The following PDE4D variants were observed in gnomAD, a reference collection of about 807,000 sequenced individuals.
PDE4D encodes 3',5'-cyclic-AMP phosphodiesterase 4D.
PDE4D carries 24 observed loss-of-function variants against 87.4 expected under a neutral mutation model. The ratio of observed to expected loss-of-function variants is 0.27; its 90% CI spans 0.20 to 0.39. PDE4D has a LOEUF of 0.39. Ranked by LOEUF, PDE4D falls within the 10% of genes least tolerant of loss-of-function variation. PDE4D has a pLI of 1.00. For missense variants in PDE4D, 714 were observed against 1,041.0 expected, an observed-to-expected ratio of 0.69 and a Z score of 4.32; for synonymous variants, 384 against 383.2, an observed-to-expected ratio of 1.00 and a Z score of -0.02.
At chr5:60,233,727 CT>C (rs1252005977) in intron 1 of PDE4D, among the ~76,000 whole-genome samples, 1 of 151,682 alleles carries the variant, frequency 6.6e-6, no homozygotes, top group African/African-American at 2.4e-5. Context: ...GTTTTAAATG[CT>C]TTTCAAATAT....
intron 1 of PDE4D, among the ~76,000 whole-genome samples, chr5:59,506,970 G>A (rs1189665802): frequency 6.6e-6 from 1 of 152,056 alleles, no homozygotes; most frequent in African/African-American, 2.4e-5. Flanking sequence ...ACAAAAAGAT[G>A]TATACAGTAA....
At chr5:59,792,659 A>G (rs1016896147) in intron 1 of PDE4D, among the ~76,000 whole-genome samples, 1 of 152,224 alleles carries the variant, frequency 6.6e-6, no homozygotes, top group African/African-American at 2.4e-5. Context: ...GACATTTTCC[A>G]CTACAAAATA....
chr5:59,256,519 C>T (rs778324116), intron 1 of PDE4D, among the ~76,000 whole-genome samples: 4 of 152,018 alleles, frequency 2.6e-5, no homozygotes, highest in Non-Finnish European at 5.9e-5. Context: ...CCCAATTATA[C>T]CATTTGAATT....
intron 1 of PDE4D, among the ~76,000 whole-genome samples, chr5:59,285,584 A>T (rs1248270008): frequency 6.6e-6 from 1 of 152,190 alleles, no homozygotes; most frequent in Non-Finnish European, 1.5e-5. Context: ...AAGAAGTCTT[A>T]TGCAGGCACT....
intron 2 of PDE4D, among the ~76,000 whole-genome samples, chr5:60,175,175 G>C (rs1011678836): frequency 2.6e-5 from 4 of 151,824 alleles, no homozygotes; most frequent in Non-Finnish European, 5.9e-5. Flanking sequence ...TTATTTTCAA[G>C]TCCAGTGATT....
rs761353494 is a variant in PDE4D, at chr5:59,084,549, C to A, written c.809-45578G>T. Among the ~76,000 whole-genome samples, 7 of 151,548 alleles carry A rather than the reference C, an allele frequency of 4.6e-5. No homozygotes were observed. The South Asian group carries it at 6.3e-4, about 14-fold the overall frequency. On this transcript the variant is annotated intron_variant, in intron 5 of 14. Transcript: ENST00000340635. ...ATGGCAAAAAAGTGTAAAAAACAAA[C>A]ATAAATGAAAAGTTAATATTCTTAA...
At position 59,990,020 on chromosome 5, in the gene PDE4D, A is replaced by G. The variant is rs192522383; in HGVS notation, c.43-1303T>C. 1.2e-3 allele frequency among the ~76,000 whole-genome samples: 179 copies of G among 152,326 alleles called. 8 individuals are homozygous for G. Among genetic ancestry groups the G allele is most frequent in the Non-Finnish European group, 1.0e-3 (68 of 68,032 alleles). On this transcript the variant is annotated intron_variant, in intron 2 of 16. Transcript: ENST00000502484. ...TACTTGCATTGGGATTAGCACTCAT[A>G]TATGGCAATTTCCTTCCCTTCTGAG...
intron 1 of PDE4D, among the ~76,000 whole-genome samples, chr5:60,222,971 G>A (rs553607834): frequency 1.1e-4 from 16 of 152,160 alleles, no homozygotes; most frequent in Middle Eastern, 3.4e-3. Context: ...CTCAATTACT[G>A]GGTGGTAGAT....
chr5:59,446,863 G>A (rs1362263322), intron 1 of PDE4D, among the ~76,000 whole-genome samples: 1 of 152,200 alleles, frequency 6.6e-6, no homozygotes, highest in Non-Finnish European at 1.5e-5. Flanking sequence ...CAGAGTCAAT[G>A]TCAGAGGTTC....
At chr5:59,651,046 G>T (rs1474968215) in intron 1 of PDE4D, among the ~76,000 whole-genome samples, 3 of 151,952 alleles carry the variant, frequency 2.0e-5, no homozygotes, top group Non-Finnish European at 4.4e-5. Flanking sequence ...ACGAGGTCAG[G>T]AGATCGAGAC....
At chr5:60,286,303 C>T (rs537011325) in intron 1 of PDE4D, among the ~76,000 whole-genome samples, 1 of 152,298 alleles carries the variant, frequency 6.6e-6, no homozygotes, top group South Asian at 2.1e-4. Context: ...ATTGTAGATA[C>T]TTAAGTAATA....
Position 60,195,653 on chromosome 5 carries a change from G to A in PDE4D, c.-89-9966C>T, listed in dbSNP as rs933470994. Reference sequence around the variant, plus strand: ...GGTCCAGGGATGCAGAGATAAATACGATAAAAATCTCTCTCCACGTGGAAC... The same window carrying A: ...GGTCCAGGGATGCAGAGATAAATACAATAAAAATCTCTCTCCACGTGGAAC... On this transcript the variant is annotated intron_variant, in intron 1 of 16. Coordinates refer to the PDE4D transcript ENST00000502484. Among the ~76,000 whole-genome samples the A allele has an allele frequency of 2.6e-5, 4 of 151,538 alleles. 1 individual carries two copies. Among genetic ancestry groups the A allele is most frequent in the Admixed American group, 2.6e-4 (4 of 15,192 alleles).
At chr5:59,609,322 G>T (rs534901047) in intron 1 of PDE4D, among the ~76,000 whole-genome samples, 1 of 149,128 alleles carries the variant, frequency 6.7e-6, no homozygotes, top group East Asian at 2.0e-4. Context: ...CCTTACTTTG[G>T]CAAATAAAAT....
intron 1 of PDE4D, among the ~76,000 whole-genome samples, chr5:59,439,716 G>A (rs1459236783): frequency 6.6e-6 from 1 of 152,166 alleles, no homozygotes; most frequent in Non-Finnish European, 1.5e-5. Flanking sequence ...GTTCAGGGAT[G>A]GGGTGAGAAG....
chr5:59,751,611 G>GTGTGTGT (rs59328183), intron 1 of PDE4D, among the ~76,000 whole-genome samples: 2 of 144,210 alleles, frequency 1.4e-5, no homozygotes, highest in Non-Finnish European at 3.0e-5. Flanking sequence ...GTGTGTGTGT[G>GTGTGTGT]ATGTGAGAGC....
intron 3 of PDE4D, among the ~76,000 whole-genome samples, chr5:59,905,329 G>T (rs1378232933): frequency 6.6e-6 from 1 of 152,132 alleles, no homozygotes; most frequent in African/African-American, 2.4e-5. Context: ...TCCCTGTGCA[G>T]ATTCAAAGAT....
intron 2 of PDE4D, among the ~76,000 whole-genome samples, chr5:59,996,180 C>G (rs138423953): frequency 2.0e-4 from 31 of 152,272 alleles, no homozygotes; most frequent in African/African-American, 6.5e-4. Context: ...TTCAGACACT[C>G]AGTGCTTTCA....
intron 1 of PDE4D, among the ~76,000 whole-genome samples, chr5:60,261,972 C>CA (rs1749690604): frequency 6.6e-6 from 1 of 152,056 alleles, no homozygotes; most frequent in African/African-American, 2.4e-5. Context: ...TTGACAGAAC[C>CA]AAATTTCAGT....
intron 2 of PDE4D, among the ~76,000 whole-genome samples, chr5:60,088,709 A>G (rs913385825): frequency 6.6e-6 from 1 of 151,978 alleles, no homozygotes; most frequent in Admixed American, 6.6e-5. Context: ...AGAGAAAATT[A>G]TTTTGTGACA....
Sources: allele counts gnomAD v4.1 joint callset (sites outside exome capture counted in the v4.1 genomes callset), GRCh38; gene constraint gnomAD v4.1.1; transcripts MANE v1.5; gene names NCBI Gene and HGNC (gene_info 2026-07-23, HGNC 2026-07-21).